The following SLC24A2 variants were observed in gnomAD, a reference collection of about 807,000 sequenced individuals.
The protein encoded by SLC24A2 is solute carrier family 24 member 2.
SLC24A2 carries 36 observed loss-of-function variants against 62.0 expected under a neutral mutation model. The ratio of observed to expected loss-of-function variants is 0.58; its 90% CI spans 0.44 to 0.77. The LOEUF is 0.77. Ranked by LOEUF, SLC24A2 falls within the 30% of genes least tolerant of loss-of-function variation. The pLI is 0.00. For missense variants in SLC24A2, 846 were observed against 817.9 expected (o/e 1.03, Z -0.42); for synonymous variants, 358 against 294.0 (o/e 1.22, Z -2.23).
intron 8 of SLC24A2, among the ~76,000 whole-genome samples, chr9:19,547,131 G>C (rs1268272259): frequency 2.0e-5 from 3 of 152,074 alleles, no homozygotes; most frequent in African/African-American, 7.2e-5. Flanking sequence ...CCCAGTGTTT[G>C]GCACATAATA....
chr9:19,650,718 ACG>A (rs925049130), intron 2 of SLC24A2, among the ~76,000 whole-genome samples: 7 of 101,976 alleles, frequency 6.9e-5, no homozygotes, highest in East Asian at 5.6e-4. Context: ...AAAACATGGC[ACG>A]CGCACACACA....
the SLC24A2 span, among the ~76,000 whole-genome samples, chr9:20,233,825 T>C: frequency 1.3e-5 from 2 of 152,226 alleles, no homozygotes; most frequent in South Asian, 4.1e-4. Flanking sequence ...TTAGCCTTGA[T>C]GGTCTTTACA....
At chr9:20,058,410 T>C in the SLC24A2 span, among the ~76,000 whole-genome samples, 1 of 151,906 alleles carries the variant, frequency 6.6e-6, no homozygotes, top group Non-Finnish European at 1.5e-5. Flanking sequence ...CCATAACTAT[T>C]ACTATTGGGA....
the SLC24A2 span, among the ~76,000 whole-genome samples, chr9:20,164,026 A>G: frequency 6.6e-6 from 1 of 152,272 alleles, no homozygotes; most frequent in East Asian, 1.9e-4. Context: ...AACCATAAAA[A>G]CCCTAGAAGA....
the SLC24A2 span, among the ~76,000 whole-genome samples, chr9:20,291,613 C>T: frequency 4.1e-4 from 62 of 152,174 alleles, no homozygotes; most frequent in Non-Finnish European, 7.8e-4. Flanking sequence ...TATGATGACC[C>T]CCCACCACTT....
chr9:19,780,715 T>C (rs1822990180), intron 2 of SLC24A2, among the ~76,000 whole-genome samples: 1 of 150,544 alleles, frequency 6.6e-6, no homozygotes, highest in Non-Finnish European at 1.5e-5. Context: ...CTTCTAAAAA[T>C]ACAAAAAATT....
intron 2 of SLC24A2, among the ~76,000 whole-genome samples, chr9:19,711,448 A>C (rs1820712815): frequency 6.6e-6 from 1 of 152,254 alleles, no homozygotes; most frequent in African/African-American, 2.4e-5. Flanking sequence ...CAATGCCATA[A>C]ACATTTAAAG....
the SLC24A2 span, among the ~76,000 whole-genome samples, chr9:19,910,465 T>C: frequency 3.3e-5 from 5 of 152,112 alleles, no homozygotes; most frequent in African/African-American, 1.2e-4. Context: ...AGTTCACCCT[T>C]ATGCTTATAA....
intron 8 of SLC24A2, among the ~76,000 whole-genome samples, chr9:19,543,558 T>G (rs565350775): frequency 6.6e-6 from 1 of 152,212 alleles, no homozygotes; most frequent in Non-Finnish European, 1.5e-5. Context: ...TGCTTTCTCT[T>G]GTGGGCATTT....
the SLC24A2 span, among the ~76,000 whole-genome samples, chr9:19,874,016 A>T: frequency 6.6e-6 from 1 of 151,756 alleles, no homozygotes; most frequent in Non-Finnish European, 1.5e-5. Context: ...ACAGATTTCA[A>T]TTTAAGGTAA....
chr9:19,854,244 A>T, the SLC24A2 span, among the ~76,000 whole-genome samples: 2 of 152,084 alleles, frequency 1.3e-5, no homozygotes, highest in Non-Finnish European at 2.9e-5. Flanking sequence ...ATTTTTTCAA[A>T]AAACAGGTTC....
chr9:20,052,904 A>G, the SLC24A2 span, among the ~76,000 whole-genome samples: 1 of 152,244 alleles, frequency 6.6e-6, no homozygotes, highest in Non-Finnish European at 1.5e-5. Context: ...ACTGGCATAT[A>G]TGACATCCAA....
At chr9:19,636,286 CTTCTT>C (rs1207223868) in intron 2 of SLC24A2, among the ~76,000 whole-genome samples, 10 of 88,076 alleles carry the variant, frequency 1.1e-4, no homozygotes, top group African/African-American at 3.4e-4. Context: ...CTCTTCTTCT[CTTCTT>C]TTCTTTTCTT....
the SLC24A2 span, among the ~76,000 whole-genome samples, chr9:19,920,107 T>C: frequency 1.3e-5 from 2 of 152,322 alleles, no homozygotes; most frequent in African/African-American, 4.8e-5. Flanking sequence ...GTCCTTGATA[T>C]AGTCATGCAA....
At chr9:20,075,611 T>C in the SLC24A2 span, among the ~76,000 whole-genome samples, 108 of 152,248 alleles carry the variant, frequency 7.1e-4, 1 homozygote, top group African/African-American at 2.5e-3. Flanking sequence ...GGCTTGTAGG[T>C]GTGGGTTCAC....
the SLC24A2 span, among the ~76,000 whole-genome samples, chr9:19,931,687 T>C: frequency 6.6e-6 from 1 of 152,160 alleles, no homozygotes; most frequent in Non-Finnish European, 1.5e-5. Context: ...GACTGTCCCA[T>C]ATTTGGCATG....
the SLC24A2 span, among the ~76,000 whole-genome samples, chr9:20,072,251 G>C: frequency 6.6e-6 from 1 of 152,094 alleles, no homozygotes; most frequent in Non-Finnish European, 1.5e-5. Flanking sequence ...ATCCTTCTTG[G>C]TCTCTCTGTG....
chr9:20,086,556 C>T, the SLC24A2 span, among the ~76,000 whole-genome samples: 1 of 152,156 alleles, frequency 6.6e-6, no homozygotes, highest in African/African-American at 2.4e-5. Flanking sequence ...AGTGGATGTG[C>T]CCAACCGAGT....
At chr9:20,114,358 C>G in the SLC24A2 span, among the ~76,000 whole-genome samples, 1 of 152,132 alleles carries the variant, frequency 6.6e-6, no homozygotes, top group African/African-American at 2.4e-5. Flanking sequence ...GAGTGCTTAT[C>G]AGGTAATCAC....
Sources: gnomAD v4.1 joint callset for allele counts (sites outside exome capture counted in the v4.1 genomes callset) on GRCh38, gnomAD v4.1.1 for gene constraint, MANE v1.5 for transcripts, NCBI Gene and HGNC (gene_info 2026-07-23, HGNC 2026-07-21) for gene names.